ETV7: variants seen among roughly 807,000 people sequenced by gnomAD.
ETV7 encodes the protein ETS variant transcription factor 7, also known as transcription factor ETV7.
A neutral mutation model predicts 39.1 loss-of-function variants in ETV7; 43 were observed. That is an observed-to-expected ratio of 1.10 (90% CI 0.86 to 1.42). The LOEUF is 1.42. Ranked by LOEUF, ETV7 falls within the 40% of genes most tolerant of loss-of-function variation. The probability of loss-of-function intolerance (pLI) is 0.00; values close to 1 mark genes in which losing one functional copy is unlikely to be tolerated. For missense variants in ETV7, 432 were observed against 442.3 expected, an observed-to-expected ratio of 0.98 and a Z score of 0.21; for synonymous variants, 196 against 176.6, an observed-to-expected ratio of 1.11 and a Z score of -0.87.
chr6:36,381,054 C>A (rs1430381682), intron 2 of ETV7, among the ~76,000 whole-genome samples: 2 of 152,030 alleles, frequency 1.3e-5, no homozygotes, highest in Non-Finnish European at 2.9e-5. Context: ...TCCCACCACA[C>A]CCCTGCAGTT....
intron 4 of ETV7, among the ~76,000 whole-genome samples, chr6:36,372,192 G>T (rs1465089610): frequency 6.6e-6 from 1 of 152,172 alleles, no homozygotes; most frequent in African/African-American, 2.4e-5. Flanking sequence ...AGCTCTGTGG[G>T]TATCTAGAGC....
At chr6:36,359,970 A>C (rs1012821381) in intron 7 of ETV7, among the ~76,000 whole-genome samples, 2 of 151,524 alleles carry the variant, frequency 1.3e-5, no homozygotes, top group African/African-American at 4.9e-5. Context: ...ATCTCGGCTC[A>C]CTGCCTCCAC....
chr6:36,382,172 A>C (rs764855085), intron 2 of ETV7, among the ~76,000 whole-genome samples: 10 of 152,166 alleles, frequency 6.6e-5, no homozygotes, highest in Admixed American at 2.0e-4. Flanking sequence ...TTTTGACCTC[A>C]ACCCATGGTA....
intron 3 of ETV7, among the ~76,000 whole-genome samples, chr6:36,374,149 G>A (rs1179650593): frequency 2.6e-5 from 4 of 152,106 alleles, no homozygotes; most frequent in Non-Finnish European, 5.9e-5. Flanking sequence ...CTTGAACCCA[G>A]GAGTTTGAGA....
chr6:36,380,136 C>T (rs949083364), intron 2 of ETV7, among the ~76,000 whole-genome samples: 2 of 152,088 alleles, frequency 1.3e-5, no homozygotes, highest in Non-Finnish European at 2.9e-5. Context: ...AGGTAATACA[C>T]GTAAAATGCG....
Position 36,375,840 on chromosome 6 carries a change from G to C in ETV7, c.307+31C>G, listed in dbSNP as rs375037826. On this transcript the variant is annotated intron_variant, in intron 3 of 7. Coordinates refer to ENST00000340181, the MANE Select transcript of ETV7 (RefSeq NM_016135.4). The stretch of plus-strand genomic sequence containing the variant: ...GCCATCCTGGCCTACCAGGGTTCCC[G>C]CTTAGAGGAAAGCCTGTGCGTTTCC... 6.2e-6 allele frequency: 10 copies of C among 1,613,244 alleles called. No homozygotes were observed. The Admixed American group carries it at 1.7e-4, about 27-fold the overall frequency.
At chr6:36,354,229 T>C (rs1582152549) in exon 8 of ETV7, 1 of 150,790 alleles carries the variant, frequency 6.6e-6, no homozygotes, top group South Asian at 2.1e-4. Flanking sequence ...TTCTTGATGG[T>C]GTCCTATGAA....
At chr6:36,363,252 T>A (rs1268469580), downstream of ETV7, among the ~76,000 whole-genome samples, 1 of 152,210 alleles carries the variant, frequency 6.6e-6, no homozygotes, top group Non-Finnish European at 1.5e-5. Context: ...TTTCTGATGT[T>A]CCGACGTGTT....
At chr6:36,359,425 T>C (rs546152332) in intron 7 of ETV7, among the ~76,000 whole-genome samples, 2 of 147,360 alleles carry the variant, frequency 1.4e-5, no homozygotes, top group East Asian at 4.0e-4. Context: ...CTCTCCAGCC[T>C]GGGTAACAAG....
intron 2 of ETV7, among the ~76,000 whole-genome samples, chr6:36,383,531 T>C (rs908338577): frequency 9.3e-5 from 14 of 150,886 alleles, no homozygotes; most frequent in African/African-American, 3.4e-4. Flanking sequence ...ACTACTAAAA[T>C]GGAGGTTGGA....
At chr6:36,363,729 G>A (rs996390878), downstream of ETV7, among the ~76,000 whole-genome samples, 111 of 152,096 alleles carry the variant, frequency 7.3e-4, no homozygotes, top group African/African-American at 1.8e-3. Context: ...TGATTGGTGC[G>A]TTTACAATCC....
At chr6:36,378,727 C>T (rs1444167603) in intron 2 of ETV7, among the ~76,000 whole-genome samples, 1 of 152,152 alleles carries the variant, frequency 6.6e-6, no homozygotes, top group Non-Finnish European at 1.5e-5. Context: ...AAGGCCTATC[C>T]TGTGTGTTGC....
intron 3 of ETV7, among the ~76,000 whole-genome samples, chr6:36,374,288 T>A (rs968130898): frequency 4.0e-5 from 6 of 151,472 alleles, no homozygotes; most frequent in Non-Finnish European, 7.4e-5. Context: ...ACCCAGGAGG[T>A]TGAGGCACAA....
chr6:36,361,350 G>A (rs1200084727), downstream of ETV7, among the ~76,000 whole-genome samples: 1 of 152,184 alleles, frequency 6.6e-6, no homozygotes, highest in Non-Finnish European at 1.5e-5. Context: ...CACCAGATAC[G>A]GACATTTCTG....
At chr6:36,373,413 T>G (rs766389866) in intron 4 of ETV7, 40 bp downstream of exon 4, 4 of 1,488,212 alleles carry the variant, frequency 2.7e-6, no homozygotes, top group Non-Finnish European at 3.6e-6. Context: ...TGAGGCTGAT[T>G]TGAGGGAGGT....
At chr6:36,377,342 T>C (rs566201838) in intron 2 of ETV7, among the ~76,000 whole-genome samples, 136 of 152,134 alleles carry the variant, frequency 8.9e-4, no homozygotes, top group African/African-American at 3.1e-3. Context: ...TGATGCACAC[T>C]TGTGGTCCCA....
chr6:36,383,344 C>T (rs1432277396), intron 2 of ETV7, among the ~76,000 whole-genome samples: 2 of 152,322 alleles, frequency 1.3e-5, no homozygotes, highest in South Asian at 2.1e-4. Flanking sequence ...CTGGACATCA[C>T]GGTTGTCCTC....
Position 36,375,996 on chromosome 6 carries a change from T to C in ETV7, c.182A>G (p.His61Arg). 7 of 1,610,302 alleles carry C rather than the reference T, an allele frequency of 4.3e-6. No homozygotes were observed. Among genetic ancestry groups the C allele is most frequent in the Non-Finnish European group, 5.9e-6 (7 of 1,179,912 alleles). Residue 61 changes from histidine to arginine, a missense_variant, in exon 3 of 8, where the codon CAC (histidine) becomes CGC (arginine). Coordinates refer to ENST00000340181, the MANE Select transcript of ETV7 (RefSeq NM_016135.4). ...PALWSREDVL[H>R]WLRWAEQEYS... ...CTCCTGCTCTGCCCAGCGCAGCCAGTGCAGCACGTCCTCCCTGCTCCACAG... is the reference window on the plus strand; with the variant it reads ...CTCCTGCTCTGCCCAGCGCAGCCAGCGCAGCACGTCCTCCCTGCTCCACAG...
intron 2 of ETV7, among the ~76,000 whole-genome samples, chr6:36,379,188 A>T (rs1330355405): frequency 6.6e-6 from 1 of 152,218 alleles, no homozygotes; most frequent in African/African-American, 2.4e-5. Flanking sequence ...ACCTGAACTC[A>T]TATTTTTTGT....
Sources: allele counts gnomAD v4.1 joint callset (sites outside exome capture counted in the v4.1 genomes callset), GRCh38; gene constraint gnomAD v4.1.1; transcripts MANE v1.5; gene names NCBI Gene and HGNC (gene_info 2026-07-23, HGNC 2026-07-21).